The following LARGE2 variants were observed in gnomAD, a reference collection of about 807,000 sequenced individuals.
LARGE2 encodes xylosyl- and glucuronyltransferase LARGE2.
Under a neutral mutation model 75.3 loss-of-function variants are expected in LARGE2, and 63 were observed. The observed-to-expected ratio is 0.84, with a 90% CI of 0.68 to 1.03. The LOEUF (loss-of-function observed/expected upper bound fraction) is 1.03. Among genes scored for constraint, LARGE2 ranks in the 50% least tolerant of loss-of-function variants. The pLI is 0.00. For missense variants in LARGE2, 925 were observed against 980.6 expected, an observed-to-expected ratio of 0.94 and a Z score of 0.76; for synonymous variants, 428 against 420.1, an observed-to-expected ratio of 1.02 and a Z score of -0.23.
chr11:45,922,654 G>A, upstream of LARGE2: 1 of 337,114 alleles, frequency 3.0e-6, no homozygotes, highest in Non-Finnish European at 5.3e-6. Flanking sequence ...GGACCGGCCC[G>A]CGCCTCTCCC....
rs748012529 is a variant in LARGE2, at chr11:45,924,721, A to C, written c.664+44A>C. 9 of 1,564,640 alleles carry C rather than the reference A, an allele frequency of 5.8e-6. No homozygotes were observed. The East Asian group carries it at 2.1e-4, about 37-fold the overall frequency. ...TGCCTGGCCTGCCCAGGATCCCTGC[A>C]TCCAGCCCTGAGCCCAGGTCCTGTG... On this transcript the variant is annotated intron_variant, in intron 5 of 13. Transcript: ENST00000401752.
rs2086963612 is a variant in LARGE2 at position 45,922,740 on chromosome 11, G to C, written c.-63+12G>C. On this transcript the variant is annotated intron_variant, in intron 1 of 13. Transcript: ENST00000401752. ...AGCCGCTGGAGCAGGTGAGGGAGGT[G>C]GCTCGGCGCGAGCCGCACAACCCGG... is the stretch of plus-strand genomic sequence containing the variant. The C allele has an allele frequency of 1.6e-6, 1 of 617,102 alleles. No homozygotes were observed. The highest frequency in any genetic ancestry group is 2.3e-6 in the Non-Finnish European group (1 of 432,882). 38.2% of individuals were successfully genotyped at this position (617,102 alleles called of 1,614,324 possible).
At chr11:45,922,457 C>T (rs894534771), upstream of LARGE2, among the ~76,000 whole-genome samples, 6 of 152,060 alleles carry the variant, frequency 3.9e-5, no homozygotes, top group Admixed American at 3.9e-4. Context: ...GGTGGCTGCT[C>T]CCGCTCCCCC....
chr11:45,928,639 C>T lies in LARGE2; in HGVS notation c.1960C>T (p.Leu654Phe). 1 of 1,613,668 alleles carries T rather than the reference C, an allele frequency of 6.2e-7. No homozygotes were observed. Among genetic ancestry groups the T allele is most frequent in the Non-Finnish European group, 8.5e-7 (1 of 1,179,678 alleles). ...CTGCCCCACCCTGCAGGAATATGAG[C>T]TCCTGGTGCTGCCCGAGGCCTTCAC... is the stretch of plus-strand genomic sequence containing the variant. ...IVELDAQEYE[L>F]LVLPEAFTIH... The change falls in exon 14 of 14, where the codon CTC becomes TTC. Residue 654 changes from leucine to phenylalanine, a missense_variant. Transcript: ENST00000401752.
At chr11:45,928,458 C>G (rs2087358379) in intron 13 of LARGE2, 86 bp downstream of exon 13, 1 of 1,542,638 alleles carries the variant, frequency 6.5e-7, no homozygotes, top group African/African-American at 1.4e-5. Flanking sequence ...GGGGACCACA[C>G]CACTAGGCAA....
chr11:45,925,301 G>A (rs1367645217), intron 6 of LARGE2, among the ~76,000 whole-genome samples: 6 of 152,044 alleles, frequency 3.9e-5, no homozygotes, highest in Non-Finnish European at 5.9e-5. Context: ...TGGGAGAATC[G>A]CTTGAGCCCA....
intron 13 of LARGE2, 43 bp downstream of exon 13, chr11:45,928,415 C>T: frequency 6.3e-7 from 1 of 1,596,584 alleles, no homozygotes; most frequent in Non-Finnish European, 8.6e-7. Flanking sequence ...ACTCGAGCAC[C>T]TCCAGGTCCA....
rs1368590220 is a variant in LARGE2, at chr11:45,926,028, T to G, written c.770-11T>G. On this transcript the variant is annotated splice_polypyrimidine_tract_variant and intron_variant, in intron 6 of 13. Coordinates refer to ENST00000401752, the MANE Select transcript of LARGE2 (RefSeq NM_001300721.2). ...TCCCAGGTGGGCATGACAGCATCTC[T>G]TCATTGGCAGGTGTGATCCTGCTGC... 5.8e-6 allele frequency: 9 copies of G among 1,550,752 alleles called. No individual in the cohort carries two copies. The highest frequency in any genetic ancestry group is 1.4e-5 in the African/African-American group (1 of 73,220).
At chr11:45,923,618 T>A (rs113124760) in intron 3 of LARGE2, 63 bp downstream of exon 3, 26,229 of 1,436,508 alleles carry the variant, frequency 0.018, 757 homozygotes, top group African/African-American at 0.11. Flanking sequence ...CGGGACAGGC[T>A]GCTGGTCTCA....
chr11:45,923,693 G>C, intron 3 of LARGE2, 138 bp downstream of exon 3: 1 of 763,590 alleles, frequency 1.3e-6, no homozygotes, highest in Non-Finnish European at 2.1e-6. Context: ...AAGGGCAGTT[G>C]TAAGAACATC....
In LARGE2 at chr11:45,926,250, A is replaced by G. The variant is rs1310540249; in HGVS notation, c.911A>G (p.His304Arg). 9.9e-6 allele frequency: 16 copies of G among 1,614,032 alleles called. No homozygotes were observed. In the Admixed American group the frequency reaches 2.7e-4, roughly 27 times the overall value. The change falls in exon 8 of 14, where the codon CAC becomes CGC. Residue 304 changes from histidine (H) to arginine (R), a missense_variant. This residue lies in a region of LARGE2 where 453 missense variants were observed against 460.2 expected (regional missense o/e 0.98). Transcript: ENST00000401752. Reference protein sequence around the residue: ...QDIFNAVIKEHPGLVQRLPCV... With the variant: ...QDIFNAVIKERPGLVQRLPCV... The stretch of plus-strand genomic sequence containing the variant: ...ATCTTCAACGCTGTGATCAAGGAGC[A>G]CCCGGGGCTAGTGCAGCGTCTGCCT...
In LARGE2 at chr11:45,927,577, C is replaced by A; in HGVS notation, c.1588C>A (p.Leu530Ile). 1 of 1,613,622 alleles carries A rather than the reference C, an allele frequency of 6.2e-7. No homozygotes were observed. The stretch of plus-strand genomic sequence containing the variant: ...CATTGACTTCCTGCCTGCCTATTCT[C>A]TCTACGACTACCTCAGGTGGGCCTG... Reference protein sequence around the residue: ...SDIDFLPAYSLYDYLRASIEQ... With the variant: ...SDIDFLPAYSIYDYLRASIEQ... The change falls in exon 11 of 14, where the codon CTC (leucine) becomes ATC (isoleucine). Residue 530 changes from leucine to isoleucine, a missense_variant. Leu to Ile is a conservative substitution (Grantham distance 5). This residue lies in a region of LARGE2 where 469 missense variants were observed against 503.8 expected (regional missense o/e 0.93). Coordinates refer to ENST00000401752, the MANE Select transcript of LARGE2 (RefSeq NM_001300721.2).
At position 45,923,179 on chromosome 11, in the gene LARGE2, C is replaced by T. The variant is rs2086992630; in HGVS notation, c.285+12C>T. On this transcript the variant is annotated intron_variant, in intron 2 of 13. Transcript: ENST00000401752. ...CGCCCAAGTGCGAGGTAGGTGCGCG[C>T]GGCCCTGGCGGCGGGAGTCCTGGGG... 6.0e-6 allele frequency: 8 copies of T among 1,326,684 alleles called. No homozygotes were observed. Among genetic ancestry groups the T allele is most frequent in the South Asian group, 2.1e-5 (1 of 47,888 alleles). 82.2% of individuals were successfully genotyped at this position (1,326,684 alleles called of 1,614,324 possible).
At chr11:45,925,980 C>G in intron 6 of LARGE2, 59 bp from the exon 7 acceptor site, 5 of 1,438,826 alleles carry the variant, frequency 3.5e-6, no homozygotes, top group Non-Finnish European at 4.8e-6. Flanking sequence ...TTCATGACCC[C>G]CATGTCCCCC....
At chr11:45,924,079 C>T (rs1565089998) in intron 3 of LARGE2, 75 bp from the exon 4 acceptor site, 6 of 1,524,326 alleles carry the variant, frequency 3.9e-6, no homozygotes, top group South Asian at 3.4e-5. Flanking sequence ...TCCATCTCTG[C>T]GCCCCTCGGG....
Position 45,922,990 on chromosome 11 carries a change from C to G in LARGE2, c.108C>G (p.Arg36=), listed in dbSNP as rs1026662890. 6.7e-6 allele frequency: 9 copies of G among 1,342,326 alleles called. No homozygotes were observed. Among genetic ancestry groups the G allele is most frequent in the Non-Finnish European group, 8.6e-6 (9 of 1,052,180 alleles). The allele number at this position is 1,342,326 out of a possible 1,614,324, so 83.2% of individuals were successfully genotyped here. ...GTGGGGACCTGGGGTGTGAGCGCCG[C>G]GAGCCTGGCGGGCGAGCGGGGGCCC... is the stretch of plus-strand genomic sequence containing the variant. ...LFGGDLGCER[R]EPGGRAGAPG... The change falls in exon 2 of 14, where the codon CGC becomes CGG. Residue 36 remains arginine (R), a synonymous_variant. Coordinates refer to ENST00000401752, the MANE Select transcript of LARGE2 (RefSeq NM_001300721.2).
In LARGE2 at chr11:45,923,088, AC is replaced by A; in HGVS notation, c.207del (p.Asp69GlufsTer48). Reference sequence around the variant, plus strand: ...AGGCTGCGGAGAGCCGCCGCCCTCGACGGAGACCCGGGGGCCGGCCCCGGGG... The same window carrying A: ...AGGCTGCGGAGAGCCGCCGCCCTCGAGGAGACCCGGGGGCCGGCCCCGGGG... ...DGRLRRAAAL[D>X]GDPGAGPGDH... On this transcript the variant is annotated frameshift_variant, in exon 2 of 14. Transcript: ENST00000401752. LOFTEE classifies it high-confidence loss of function. The A allele has an allele frequency of 2.1e-6, 3 of 1,409,928 alleles. No individual in the cohort carries two copies. Among genetic ancestry groups the A allele is most frequent in the Non-Finnish European group, 1.8e-6 (2 of 1,084,958 alleles). 87.3% of individuals were successfully genotyped at this position (1,409,928 alleles called of 1,614,324 possible). A position where few individuals can be genotyped will look rare whatever the true frequency, so the allele number is the denominator to read the frequency against.
chr11:45,927,290 T>G (rs757124011), intron 10 of LARGE2, 25 bp from the exon 11 acceptor site: 4 of 1,602,524 alleles, frequency 2.5e-6, no homozygotes, highest in Non-Finnish European at 3.4e-6. Flanking sequence ...GGGGCAGAGC[T>G]GTGCTGACCT....
rs769879333 is a variant in LARGE2, at chr11:45,928,847, G to T, written c.*2G>T. On this transcript the variant is annotated 3_prime_UTR_variant, in exon 14 of 14. Coordinates refer to ENST00000401752, the MANE Select transcript of LARGE2 (RefSeq NM_001300721.2). ...CCCCAGAGCCCTGCCCGAGGCTGAG[G>T]CTGGGCCGGCGCTGCCCCTCATCTT... 18 of 1,612,822 alleles carry T rather than the reference G, an allele frequency of 1.1e-5. No homozygotes were observed. The highest frequency in any genetic ancestry group is 1.5e-5 in the Non-Finnish European group (18 of 1,179,818).
Sources: allele counts gnomAD v4.1 joint callset (sites outside exome capture counted in the v4.1 genomes callset), GRCh38; gene constraint gnomAD v4.1.1; regional missense constraint gnomAD v4.1.1; transcripts MANE v1.5; gene names NCBI Gene and HGNC (gene_info 2026-07-23, HGNC 2026-07-21).